Variants in EPB41 observed in about 807,000 individuals in gnomAD.
The protein encoded by EPB41 is erythrocyte membrane protein band 4.1.
EPB41 carries 65 observed loss-of-function variants against 108.0 expected under a neutral mutation model. The observed-to-expected ratio is 0.60, with a 90% confidence interval of 0.49 to 0.74. The LOEUF (loss-of-function observed/expected upper bound fraction) is 0.74. Ranked by LOEUF, EPB41 falls within the 30% of genes least tolerant of loss-of-function variation. The pLI is 0.00. For synonymous variants in EPB41, 336 were observed against 358.9 expected, an observed-to-expected ratio of 0.94 and a Z score of 0.72; for missense variants, 875 against 1,037.0, an observed-to-expected ratio of 0.84 and a Z score of 2.15.
At chr1:29,014,741 A>G (rs1386350810) in intron 5 of EPB41, among the ~76,000 whole-genome samples, 1 of 152,228 alleles carries the variant, frequency 6.6e-6, no homozygotes, top group Non-Finnish European at 1.5e-5. Context: ...GTCTGAATGT[A>G]TATAGACACA....
At chr1:29,104,156 G>A (rs1666368296) in intron 17 of EPB41, among the ~76,000 whole-genome samples, 1 of 152,170 alleles carries the variant, frequency 6.6e-6, no homozygotes, top group African/African-American at 2.4e-5. Flanking sequence ...TCATAGGATT[G>A]TTGTCAGGAA....
At chr1:29,088,483 A>G (rs1660063254) in intron 16 of EPB41, among the ~76,000 whole-genome samples, 1 of 152,036 alleles carries the variant, frequency 6.6e-6, no homozygotes, top group African/African-American at 2.4e-5. Flanking sequence ...TTCATCTTCT[A>G]CTTGAGAAGA....
intron 4 of EPB41, among the ~76,000 whole-genome samples, chr1:28,998,415 T>C (rs549905703): frequency 2.0e-5 from 3 of 152,308 alleles, no homozygotes; most frequent in African/African-American, 7.2e-5. Flanking sequence ...GGAGAGAGTC[T>C]TGTAGACACT....
chr1:28,988,363 C>G (rs1463606667), intron 2 of EPB41, among the ~76,000 whole-genome samples: 1 of 152,016 alleles, frequency 6.6e-6, no homozygotes, highest in Non-Finnish European at 1.5e-5. Context: ...ATAGTTTCTA[C>G]TCTATTTTTT....
chr1:29,092,093 C>CTTTTTTT (rs35413713), intron 16 of EPB41, among the ~76,000 whole-genome samples: 1 of 113,162 alleles, frequency 8.8e-6, no homozygotes, highest in Non-Finnish European at 1.8e-5. Flanking sequence ...TTCTTACCTT[C>CTTTTTTT]TTTTTTTTTT....
intron 15 of EPB41, 129 bp from the exon 16 acceptor site, chr1:29,064,853 G>A: frequency 9.0e-7 from 1 of 1,114,102 alleles, no homozygotes; most frequent in Non-Finnish European, 1.3e-6. Context: ...TAATCTGAAT[G>A]CAGATTAGTA....
intron 1 of EPB41, among the ~76,000 whole-genome samples, chr1:28,954,016 C>T (rs747691626): frequency 3.9e-5 from 6 of 152,170 alleles, no homozygotes; most frequent in Non-Finnish European, 7.3e-5. Flanking sequence ...TTAGAATTAC[C>T]TTTGGAGCTT....
chr1:28,920,691 G>A (rs550508166), intron 1 of EPB41, among the ~76,000 whole-genome samples: 1 of 152,222 alleles, frequency 6.6e-6, no homozygotes, highest in South Asian at 2.1e-4. Context: ...CCAGGCTGGA[G>A]TGCAGTGGTG....
Position 29,115,833 on chromosome 1 carries a change from T to C in EPB41, c.*6+30T>C. ...TGGGCGTTCCTGCTGGGGCTGAGGG[T>C]GCCCACAGTCCCAGCCTGAGAGGGC... On this transcript the variant is annotated intron_variant, in intron 20 of 20. Transcript: ENST00000343067. The surrounding 1 kb of genome is among the most constrained non-coding windows in gnomAD (Gnocchi z 4.4). The C allele has an allele frequency of 1.9e-6, 3 of 1,551,404 alleles. No individual in the cohort carries two copies. The highest frequency in any genetic ancestry group is 2.7e-6 in the Non-Finnish European group (3 of 1,123,626).
intron 16 of EPB41, among the ~76,000 whole-genome samples, chr1:29,094,096 T>A (rs1662319170): frequency 6.6e-6 from 1 of 152,096 alleles, no homozygotes; most frequent in Non-Finnish European, 1.5e-5. Flanking sequence ...CCCAGCACCA[T>A]TTATTGAATA....
intron 1 of EPB41, among the ~76,000 whole-genome samples, chr1:28,922,759 C>T (rs1230136100): frequency 6.6e-6 from 1 of 151,940 alleles, no homozygotes; most frequent in Non-Finnish European, 1.5e-5. Flanking sequence ...TCCCAAGTAC[C>T]TGGGACTATA....
chr1:28,990,227 A>G (rs1283519287), intron 2 of EPB41, among the ~76,000 whole-genome samples: 3 of 141,966 alleles, frequency 2.1e-5, no homozygotes, highest in Non-Finnish European at 3.1e-5. Context: ...GCGAGATTCC[A>G]TCTCAAAAAA....
chr1:29,050,551 C>T (rs1161023417), intron 11 of EPB41, among the ~76,000 whole-genome samples: 1 of 152,236 alleles, frequency 6.6e-6, no homozygotes, highest in Non-Finnish European at 1.5e-5. Flanking sequence ...TGCCATCTGC[C>T]ACTCTTGCAG....
chr1:29,070,193 A>T, intron 16 of EPB41: 1 of 435,702 alleles, frequency 2.3e-6, no homozygotes, highest in Non-Finnish European at 3.8e-6. Context: ...CTATTGTGTT[A>T]CAGAAACTTT....
In EPB41 at chr1:29,075,802, A is replaced by G. The variant is rs558051533; in HGVS notation, c.2184+10644A>G. ...TTGTCACCCACCAGCAAAGTACTCT[A>G]TTATATATTACAAGGATGCAAAGAG... On this transcript the variant is annotated intron_variant, in intron 16 of 20. Coordinates refer to ENST00000343067, the MANE Select transcript of EPB41 (RefSeq NM_001376013.1). 9.8e-5 allele frequency among the ~76,000 whole-genome samples: 15 copies of G among 152,312 alleles called. No individual in the cohort carries two copies. The East Asian group carries it at 2.9e-3, about 29-fold the overall frequency.
intron 11 of EPB41, among the ~76,000 whole-genome samples, chr1:29,046,428 T>C (rs1643253203): frequency 6.6e-6 from 1 of 152,092 alleles, no homozygotes; most frequent in Admixed American, 6.6e-5. Flanking sequence ...CACCCAGCCC[T>C]AAAAAATTTA....
At chr1:29,095,088 T>G (rs1217230408) in intron 16 of EPB41, among the ~76,000 whole-genome samples, 1 of 152,202 alleles carries the variant, frequency 6.6e-6, no homozygotes, top group East Asian at 1.9e-4. Flanking sequence ...TCCAGATACT[T>G]TTGATCCATG....
chr1:28,987,685 TCTC>T lies in EPB41; in HGVS notation c.252_254del (p.Ser85del), dbSNP rs752062682. Reference sequence around the variant, plus strand: ...GAAAGCAGAGGACTTTCACGACTATTCTCCTCGTTTCTCAAAAGGCCCAAATCT... The same window carrying T: ...GAAAGCAGAGGACTTTCACGACTATTCTCGTTTCTCAAAAGGCCCAAATCT... On this transcript the variant is annotated inframe_deletion, in exon 2 of 21. Transcript: ENST00000343067. 3.7e-6 allele frequency: 6 copies of T among 1,614,132 alleles called. No individual in the cohort carries two copies. The highest frequency in any genetic ancestry group is 1.6e-4 in the Middle Eastern group (1 of 6,062).
chr1:29,111,681 A>G (rs1351595271), intron 18 of EPB41, among the ~76,000 whole-genome samples: 1 of 151,718 alleles, frequency 6.6e-6, no homozygotes, highest in African/African-American at 2.4e-5. Context: ...TAAATAAAAA[A>G]GATTGTAGTA....
Sources: gnomAD v4.1 joint callset for allele counts (sites outside exome capture counted in the v4.1 genomes callset) on GRCh38, gnomAD v4.1.1 for gene constraint, Gnocchi (gnomAD v3.1) non-coding constraint, MANE v1.5 for transcripts, NCBI Gene and HGNC (gene_info 2026-07-23, HGNC 2026-07-21) for gene names.